The following CCDC88A variants were observed in gnomAD, a reference collection of about 807,000 sequenced individuals.
CCDC88A encodes girdin.
In CCDC88A, 54 loss-of-function variants were observed where a neutral mutation model predicts 234.3. The observed-to-expected ratio is 0.23, with a 90% confidence interval of 0.19 to 0.29. The LOEUF (loss-of-function observed/expected upper bound fraction) is 0.29, where lower values mean the gene tolerates loss of function less well. Ranked by LOEUF, CCDC88A falls within the 10% of genes least tolerant of loss-of-function variation. The pLI, the probability that CCDC88A is intolerant of heterozygous loss-of-function variation, is 1.00. For missense variants in CCDC88A, 1,832 were observed against 2,123.4 expected (o/e 0.86, Z 2.70); for synonymous variants, 753 against 737.8 (o/e 1.02, Z -0.33).
In CCDC88A at chr2:55,328,280, A is replaced by G. The variant is rs1331246915; in HGVS notation, c.2997+14T>C. 1.9e-6 allele frequency: 3 copies of G among 1,549,530 alleles called. No individual in the cohort carries two copies. In the African/African-American group the frequency reaches 4.2e-5, roughly 22 times the overall value. On this transcript the variant is annotated intron_variant, in intron 17 of 32. Coordinates refer to ENST00000436346, the MANE Select transcript of CCDC88A (RefSeq NM_001365480.1). This position sits in a 1 kb window ranked among gnomAD's most constrained non-coding sequence, Gnocchi z 4.3. ...TAAATGATCCTTAAAATTCTTTCCA[A>G]GAAAATCACTTACTGTTTTAAGTTC...
At chr2:55,330,221 G>A (rs1343556832) in intron 16 of CCDC88A, 2 of 152,050 alleles carry the variant, frequency 1.3e-5, no homozygotes, top group African/African-American at 4.8e-5. Flanking sequence ...AGTTAGGCCG[G>A]GCACGGTGGC....
intron 2 of CCDC88A, among the ~76,000 whole-genome samples, chr2:55,399,538 A>AC (rs1369842863): frequency 2.0e-5 from 3 of 151,798 alleles, no homozygotes; most frequent in Non-Finnish European, 4.4e-5. Flanking sequence ...AAAAAAAAAA[A>AC]AAAAAAGTGG....
intron 25 of CCDC88A, chr2:55,308,606 C>A (rs1681942470): frequency 3.9e-6 from 2 of 515,618 alleles, no homozygotes; most frequent in East Asian, 3.3e-5. Flanking sequence ...ACCCCTCTGG[C>A]CAAATGATAG....
At chr2:55,396,224 C>G (rs1313795952) in intron 2 of CCDC88A, among the ~76,000 whole-genome samples, 1 of 152,098 alleles carries the variant, frequency 6.6e-6, no homozygotes, top group Non-Finnish European at 1.5e-5. Flanking sequence ...ATTGGGAGAA[C>G]AGAGTAAGAA....
intron 27 of CCDC88A, 94 bp from the exon 28 acceptor site, chr2:55,301,371 A>G (rs529744601): frequency 2.4e-5 from 16 of 658,840 alleles, no homozygotes; most frequent in Non-Finnish European, 3.8e-5. Context: ...TTGTTTTTCA[A>G]TCATGTATAA....
At chr2:55,354,150 T>G (rs1156802339) in intron 8 of CCDC88A, among the ~76,000 whole-genome samples, 1 of 152,090 alleles carries the variant, frequency 6.6e-6, no homozygotes, top group Admixed American at 6.5e-5. Context: ...GTACTTTTTT[T>G]TTTTTTTTGA....
intron 2 of CCDC88A, among the ~76,000 whole-genome samples, chr2:55,410,808 G>A (rs1002176044): frequency 6.6e-6 from 1 of 152,016 alleles, no homozygotes; most frequent in South Asian, 2.1e-4. Context: ...TGAGAGGATC[G>A]TTTGAGCCCA....
chr2:55,399,112 A>T (rs1678131845), intron 2 of CCDC88A, among the ~76,000 whole-genome samples: 1 of 152,180 alleles, frequency 6.6e-6, no homozygotes, highest in South Asian at 2.1e-4. Context: ...CATAAAAAAG[A>T]TAAAATCTTA....
At position 55,419,232 on chromosome 2, in the gene CCDC88A, A is replaced by G; in HGVS notation, c.-153T>C. On this transcript the variant is annotated 5_prime_UTR_variant, in exon 1 of 33. Transcript: ENST00000436346. ...GAGGAGGGGGGCACTCTCCCTCCTC[A>G]AAAAACACCCCAGAGTGAAACGAGC... 1.6e-6 allele frequency: 1 copy of G among 610,048 alleles called. No individual in the cohort carries two copies. Among genetic ancestry groups the G allele is most frequent in the South Asian group, 2.0e-5 (1 of 49,230 alleles). 37.8% of individuals were successfully genotyped at this position (610,048 alleles called of 1,614,324 possible). A position where few individuals can be genotyped will look rare whatever the true frequency, so the allele number is the denominator to read the frequency against.
rs1553436255 is a variant in CCDC88A, at chr2:55,401,447, A to AATATAT, written c.165-12567_165-12562dup. Among the ~76,000 whole-genome samples the AATATAT allele has an allele frequency of 1.1e-4, 3 of 27,158 alleles. 1 individual carries two copies. Among genetic ancestry groups the AATATAT allele is most frequent in the African/African-American group, 2.7e-4 (3 of 11,056 alleles). 17.8% of individuals were successfully genotyped at this position (27,158 alleles called of 152,430 possible). ...AGACTCTGTCTCCAAAAAAAAAAAA[A>AATATAT]ATATATATATATATATATACATATG... On this transcript the variant is annotated intron_variant, in intron 2 of 32. Coordinates refer to ENST00000436346, the MANE Select transcript of CCDC88A (RefSeq NM_001365480.1).
intron 5 of CCDC88A, among the ~76,000 whole-genome samples, chr2:55,365,618 A>T (rs1671839919): frequency 6.6e-6 from 1 of 152,178 alleles, no homozygotes; most frequent in Non-Finnish European, 1.5e-5. Flanking sequence ...CAAATCAATG[A>T]AAATTTTCCC....
intron 4 of CCDC88A, among the ~76,000 whole-genome samples, chr2:55,374,438 GTAGA>G (rs1673291696): frequency 6.6e-6 from 1 of 152,018 alleles, no homozygotes; most frequent in South Asian, 2.1e-4. Flanking sequence ...TTTGGCAATG[GTAGA>G]TAGTAGATAT....
At chr2:55,352,714 T>A (rs1670047494) in intron 8 of CCDC88A, among the ~76,000 whole-genome samples, 1 of 152,202 alleles carries the variant, frequency 6.6e-6, no homozygotes, top group Non-Finnish European at 1.5e-5. Context: ...ATTTTAAATT[T>A]AAAAATTACT....
At chr2:55,380,261 A>G (rs565197650) in intron 3 of CCDC88A, among the ~76,000 whole-genome samples, 225 of 152,094 alleles carry the variant, frequency 1.5e-3, no homozygotes, top group African/African-American at 5.2e-3. Flanking sequence ...AATAAAAATT[A>G]AGCAGAGAAT....
chr2:55,360,679 T>C (rs1671172035), intron 7 of CCDC88A, among the ~76,000 whole-genome samples: 1 of 152,240 alleles, frequency 6.6e-6, no homozygotes, highest in Admixed American at 6.5e-5. Context: ...AGGCATGTAA[T>C]GATAAGTATT....
intron 2 of CCDC88A, among the ~76,000 whole-genome samples, chr2:55,392,032 G>A (rs1676738488): frequency 6.6e-6 from 1 of 152,198 alleles, no homozygotes; most frequent in South Asian, 2.1e-4. Context: ...ATGATTTTCA[G>A]TTGGGTTTGT....
chr2:55,404,008 A>G (rs1679153361), intron 2 of CCDC88A: 1 of 152,240 alleles, frequency 6.6e-6, no homozygotes, highest in African/African-American at 2.4e-5. Context: ...GCTGATATAC[A>G]GTCACGTATT....
Position 55,362,333 on chromosome 2 carries a change from A to G in CCDC88A, c.602T>C (p.Ile201Thr), listed in dbSNP as rs1228312213. 15 of 1,593,758 alleles carry G rather than the reference A, an allele frequency of 9.4e-6. No individual in the cohort carries two copies. Among genetic ancestry groups the G allele is most frequent in the African/African-American group, 2.7e-5 (2 of 73,446 alleles). Reference sequence around the variant, plus strand: ...CTCTGAATGTTCATCTCTCTCATCTATAAGTCTTTTTAGATGCAATGCCAT... The same window carrying G: ...CTCTGAATGTTCATCTCTCTCATCTGTAAGTCTTTTTAGATGCAATGCCAT... ...KNMALHLKRLIDERDEHSETI... is the reference protein window; with the variant it reads ...KNMALHLKRLTDERDEHSETI... The change falls in exon 7 of 33, where the codon ATA becomes ACA. Residue 201 changes from isoleucine to threonine, a missense_variant. Ile to Thr is a moderately conservative substitution (Grantham distance 89, BLOSUM62 -1). Transcript: ENST00000436346.
rs1553419620 is a variant in CCDC88A at position 55,367,528 on chromosome 2, G to GTTTGTTTTTTTTTTTT, written c.403-3496_403-3495insAAAAAAAAAAAACAAA. 2.1e-4 allele frequency among the ~76,000 whole-genome samples: 21 copies of GTTTGTTTTTTTTTTTT among 99,888 alleles called. 5 individuals are homozygous for GTTTGTTTTTTTTTTTT. The highest frequency in any genetic ancestry group is 4.1e-4 in the Non-Finnish European group (21 of 51,144). 65.5% of individuals were successfully genotyped at this position (99,888 alleles called of 152,430 possible). On this transcript the variant is annotated intron_variant, in intron 5 of 32. Transcript: ENST00000436346. The stretch of plus-strand genomic sequence containing the variant: ...TTGCTAGAAATTGTTTTATTTCCTT[G>GTTTGTTTTTTTTTTTT]TTTTTTTTTAAGAGACTGGGTCTTG...
Sources: gnomAD v4.1 joint callset for allele counts (sites outside exome capture counted in the v4.1 genomes callset) on GRCh38, gnomAD v4.1.1 for gene constraint, Gnocchi (gnomAD v3.1) non-coding constraint, MANE v1.5 for transcripts, NCBI Gene and HGNC (gene_info 2026-07-23, HGNC 2026-07-21) for gene names.